The following SMC5 variants were observed in gnomAD, a reference collection of about 807,000 sequenced individuals.
SMC5 encodes the protein structural maintenance of chromosomes 5, also known as structural maintenance of chromosomes protein 5.
SMC5 carries 88 observed loss-of-function variants against 148.3 expected under a neutral mutation model. That is an observed-to-expected ratio of 0.59 (90% confidence interval 0.50 to 0.71). SMC5 has a LOEUF of 0.71. Among genes scored for constraint, SMC5 ranks in the 30% least tolerant of loss-of-function variants. SMC5 has a pLI of 0.00. For missense variants in SMC5, 1,142 were observed against 1,298.9 expected, an observed-to-expected ratio of 0.88 and a Z score of 1.86; for synonymous variants, 421 against 432.8, an observed-to-expected ratio of 0.97 and a Z score of 0.34.
At position 70,305,268 on chromosome 9, in the gene SMC5, A is replaced by C. The variant is rs1444100992; in HGVS notation, c.1486A>C (p.Asn496His). 1 of 1,575,226 alleles carries C rather than the reference A, an allele frequency of 6.3e-7. No homozygotes were observed. Among genetic ancestry groups the C allele is most frequent in the Admixed American group, 1.7e-5 (1 of 57,318 alleles). The change falls in exon 11 of 25, where the codon AAT becomes CAT. Residue 496 changes from asparagine (N) to histidine (H), a missense_variant. Asn to His is a moderately conservative substitution (Grantham distance 68). This residue lies in a region of SMC5 where 743 missense variants were observed against 835.7 expected (regional missense o/e 0.89). Transcript: ENST00000361138. ...MLTINMKDNKNAKYIENHIPS... is the reference protein window; with the variant it reads ...MLTINMKDNKHAKYIENHIPS... ...TTAGATCAATATGAAAGATAATAAA[A>C]ATGCCAAATATATTGAAAATCATAT... is the stretch of plus-strand genomic sequence containing the variant.
At chr9:70,303,361 C>T (rs1252526670) in intron 10 of SMC5, among the ~76,000 whole-genome samples, 1 of 151,636 alleles carries the variant, frequency 6.6e-6, no homozygotes, top group African/African-American at 2.4e-5. Flanking sequence ...TTACTTTTAC[C>T]CTTTCTATAA....
chr9:70,324,853 G>A (rs1222095626), intron 17 of SMC5, among the ~76,000 whole-genome samples: 1 of 152,138 alleles, frequency 6.6e-6, no homozygotes, highest in Non-Finnish European at 1.5e-5. Flanking sequence ...ATCAGGACTA[G>A]CAAAATTAAG....
rs1587714310 is a variant in SMC5 at position 70,341,377 on chromosome 9, A to G, written c.2398-2767A>G. On this transcript the variant is annotated intron_variant, in intron 17 of 24. Transcript: ENST00000361138. ...AGCAAAGTCCAGAGGAACAAGAATC[A>G]GGAATAGAAGAAATTAGGAGTATTT... is the stretch of plus-strand genomic sequence containing the variant. Among the ~76,000 whole-genome samples, 5 of 152,360 alleles carry G rather than the reference A, an allele frequency of 3.3e-5. No homozygotes were observed. In the South Asian group the frequency reaches 8.3e-4, roughly 25 times the overall value.
At chr9:70,283,319 A>G (rs1409164176) in intron 7 of SMC5, among the ~76,000 whole-genome samples, 1 of 152,042 alleles carries the variant, frequency 6.6e-6, no homozygotes, top group African/African-American at 2.4e-5. Flanking sequence ...CAAAAAACTT[A>G]GCCAGGCATG....
intron 10 of SMC5, among the ~76,000 whole-genome samples, chr9:70,303,486 T>G (rs1364116200): frequency 6.6e-6 from 1 of 152,204 alleles, no homozygotes. Context: ...TCATAGCGTT[T>G]ATGCCTGGAT....
intron 15 of SMC5, among the ~76,000 whole-genome samples, chr9:70,322,856 T>C (rs2035983642): frequency 6.6e-6 from 1 of 152,098 alleles, no homozygotes; most frequent in African/African-American, 2.4e-5. Context: ...AAAAAAATTA[T>C]GGCTTTCTAC....
At chr9:70,299,328 A>T (rs947065071) in intron 9 of SMC5, among the ~76,000 whole-genome samples, 1 of 149,354 alleles carries the variant, frequency 6.7e-6, no homozygotes. Context: ...AAAGCTTTTA[A>T]TTTTTTTTTT....
chr9:70,279,010 C>G (rs1427867564), intron 5 of SMC5, among the ~76,000 whole-genome samples: 6 of 152,054 alleles, frequency 3.9e-5, no homozygotes, highest in Admixed American at 2.0e-4. Flanking sequence ...TATAGCACTT[C>G]CGTTGAACCA....
intron 3 of SMC5, among the ~76,000 whole-genome samples, chr9:70,274,803 A>C (rs2034543943): frequency 6.6e-6 from 1 of 152,078 alleles, no homozygotes; most frequent in South Asian, 2.1e-4. Flanking sequence ...TCCAGACTTA[A>C]TATCTGTCTT....
chr9:70,294,576 G>A lies in SMC5; in HGVS notation c.1054-3390G>A, dbSNP rs1444879826. ...GTTAATGGATTGCACAACCTTGTGGGGGTCAAAAGATAGAGTAGGAATACC... is the reference window on the plus strand; with the variant it reads ...GTTAATGGATTGCACAACCTTGTGGAGGTCAAAAGATAGAGTAGGAATACC... On this transcript the variant is annotated intron_variant, in intron 8 of 24. Coordinates refer to ENST00000361138, the MANE Select transcript of SMC5 (RefSeq NM_015110.4). Among the ~76,000 whole-genome samples the A allele has an allele frequency of 2.0e-5, 3 of 152,228 alleles. No homozygotes were observed. The South Asian group carries it at 6.2e-4, about 32-fold the overall frequency.
At position 70,289,947 on chromosome 9, in the gene SMC5, A is replaced by G. The variant is rs551319835; in HGVS notation, c.1053+3676A>G. On this transcript the variant is annotated intron_variant, in intron 8 of 24. Coordinates refer to ENST00000361138, the MANE Select transcript of SMC5 (RefSeq NM_015110.4). ...TGGGTATCTCTAATATGAAATCTAA[A>G]AATGCTCCAAAACCCAAAACCGTTT... is the stretch of plus-strand genomic sequence containing the variant. Among the ~76,000 whole-genome samples the G allele has an allele frequency of 2.0e-5, 3 of 151,996 alleles. No individual in the cohort carries two copies. In the South Asian group the frequency reaches 6.2e-4, roughly 32 times the overall value.
At chr9:70,307,035 A>G (rs1272868234) in intron 11 of SMC5, among the ~76,000 whole-genome samples, 3 of 152,178 alleles carry the variant, frequency 2.0e-5, no homozygotes, top group East Asian at 3.8e-4. Context: ...TTTTCTTTCA[A>G]TCACCTCACT....
At position 70,325,236 on chromosome 9, in the gene SMC5, G is replaced by A. The variant is rs73647463; in HGVS notation, c.2397+1093G>A. Among the ~76,000 whole-genome samples the A allele has an allele frequency of 3.0e-3, 456 of 152,282 alleles. 1 individual carries two copies. Among genetic ancestry groups the A allele is most frequent in the African/African-American group, 0.01 (436 of 41,550 alleles). On this transcript the variant is annotated intron_variant, in intron 17 of 24. Transcript: ENST00000361138. ...CTCAGGAGTGATCTAAGGGGCTCAC[G>A]AGTAATACAGACTTTCCTATTGCTC...
At chr9:70,303,457 G>A (rs73454786) in intron 10 of SMC5, among the ~76,000 whole-genome samples, 43 of 152,062 alleles carry the variant, frequency 2.8e-4, no homozygotes, top group African/African-American at 6.3e-4. Flanking sequence ...CTCAAATTGC[G>A]AAACAATAGG....
intron 11 of SMC5, 70 bp downstream of exon 11, chr9:70,305,430 A>T (rs1193186149): frequency 3.4e-6 from 3 of 889,462 alleles, no homozygotes; most frequent in African/African-American, 3.4e-5. Flanking sequence ...TTTTAAATTC[A>T]CTAGAGCAAA....
chr9:70,286,538 G>T (rs1237267594), intron 8 of SMC5, among the ~76,000 whole-genome samples: 3 of 152,086 alleles, frequency 2.0e-5, no homozygotes, highest in Admixed American at 2.0e-4. Flanking sequence ...GGTGGATTTG[G>T]TTACCTTAAC....
intron 3 of SMC5, among the ~76,000 whole-genome samples, chr9:70,275,235 T>A (rs1231176764): frequency 6.6e-6 from 1 of 152,100 alleles, no homozygotes; most frequent in Non-Finnish European, 1.5e-5. Context: ...GTTGTTTTGT[T>A]TTTGTTTTTG....
intron 11 of SMC5, among the ~76,000 whole-genome samples, chr9:70,307,746 C>T (rs1371648856): frequency 2.0e-5 from 3 of 152,022 alleles, no homozygotes; most frequent in East Asian, 1.9e-4. Flanking sequence ...TCAAGTGATC[C>T]GCCCGCCTTG....
intron 3 of SMC5, among the ~76,000 whole-genome samples, chr9:70,273,701 G>C (rs2034511365): frequency 6.6e-6 from 1 of 152,056 alleles, no homozygotes; most frequent in African/African-American, 2.4e-5. Flanking sequence ...TTCATAATTA[G>C]AAGTTGTTTC....
Sources: gnomAD v4.1 joint callset for allele counts (sites outside exome capture counted in the v4.1 genomes callset) on GRCh38, gnomAD v4.1.1 for gene constraint, gnomAD v4.1.1 regional missense constraint, MANE v1.5 for transcripts, NCBI Gene and HGNC (gene_info 2026-07-23, HGNC 2026-07-21) for gene names.